TMIGD1: variants seen among roughly 807,000 people sequenced by gnomAD.
The protein encoded by TMIGD1 is transmembrane and immunoglobulin domain-containing protein 1.
Under a neutral mutation model 27.5 loss-of-function variants are expected in TMIGD1, and 29 were observed. The ratio of observed to expected loss-of-function variants is 1.05; its 90% confidence interval spans 0.78 to 1.44. The LOEUF (loss-of-function observed/expected upper bound fraction) is 1.44. Among genes scored for constraint, TMIGD1 ranks in the 40% most tolerant of loss-of-function variants. The pLI is 0.00. For synonymous variants in TMIGD1, 109 were observed against 110.3 expected, an observed-to-expected ratio of 0.99 and a Z score of 0.07; for missense variants, 334 against 310.6, an observed-to-expected ratio of 1.08 and a Z score of -0.57.
chr17:30,332,055 T>C lies in TMIGD1; in HGVS notation c.79A>G (p.Thr27Ala). 1 of 1,607,854 alleles carries C rather than the reference T, an allele frequency of 6.2e-7. No homozygotes were observed. The highest frequency in any genetic ancestry group is 1.3e-5 in the African/African-American group (1 of 74,798). The change falls in exon 2 of 7, where the codon ACA becomes GCA. Residue 27 changes from threonine (T) to alanine (A), a missense_variant. Physicochemically the swap from Thr to Ala is moderately conservative, Grantham distance 58. Transcript: ENST00000328886. Reference sequence around the variant, plus strand: ...GCCAAAAAGAACTTTAACTTACTTGTCATCTCACGTGGCAGAAATAAAATT... The same window carrying C: ...GCCAAAAAGAACTTTAACTTACTTGCCATCTCACGTGGCAGAAATAAAATT... ...LVILFLPREM[T>A]SSVLTVNGKT...
At chr17:30,330,168 A>G (rs1909929340) in intron 2 of TMIGD1, among the ~76,000 whole-genome samples, 2 of 150,834 alleles carry the variant, frequency 1.3e-5, no homozygotes, top group African/African-American at 4.9e-5. Context: ...GTGTTGTTTA[A>G]AGGCACCCCA....
chr17:30,332,003 C>T (rs758000572), intron 2 of TMIGD1, 49 bp downstream of exon 2: 41 of 1,349,320 alleles, frequency 3.0e-5, no homozygotes, highest in South Asian at 7.3e-5. Flanking sequence ...TTTTCTTAAT[C>T]GGAAATTTTT....
chr17:30,324,144 T>C (rs889608729), intron 4 of TMIGD1, among the ~76,000 whole-genome samples: 3 of 152,214 alleles, frequency 2.0e-5, no homozygotes, highest in Admixed American at 6.5e-5. Context: ...GGGCTGCTCC[T>C]GGTGTGCTAG....
At chr17:30,316,990 G>A in intron 6 of TMIGD1, 1 of 650,754 alleles carries the variant, frequency 1.5e-6, no homozygotes. Flanking sequence ...AGCAGGCTTA[G>A]GACTAAAGGT....
At chr17:30,333,363 C>A (rs996959498) in intron 1 of TMIGD1, among the ~76,000 whole-genome samples, 19 of 151,802 alleles carry the variant, frequency 1.3e-4, no homozygotes, top group African/African-American at 4.6e-4. Context: ...ATTGCTTGAA[C>A]CTGGGAGGTG....
Position 30,317,264 on chromosome 17 carries a change from G to A in TMIGD1, c.745-31C>T, listed in dbSNP as rs370205000. 7.0e-5 allele frequency: 113 copies of A among 1,613,332 alleles called. No individual in the cohort carries two copies. In the African/African-American group the frequency reaches 1.4e-3, roughly 20 times the overall value. On this transcript the variant is annotated intron_variant, in intron 5 of 6. Coordinates refer to ENST00000328886, the MANE Select transcript of TMIGD1 (RefSeq NM_206832.3). ...AGCAAACATGGCAGTAAATTAGCCTGCTTTTTAAGGCCCATGGAGAAATAT... is the reference window on the plus strand; with the variant it reads ...AGCAAACATGGCAGTAAATTAGCCTACTTTTTAAGGCCCATGGAGAAATAT...
chr17:30,329,177 C>T, intron 3 of TMIGD1, 74 bp downstream of exon 3: 1 of 1,552,462 alleles, frequency 6.4e-7, no homozygotes, highest in Non-Finnish European at 8.7e-7. Context: ...AATACCAAGA[C>T]CTAGATTTCA....
intron 2 of TMIGD1, 46 bp from the exon 3 acceptor site, chr17:30,329,575 C>T: frequency 2.0e-6 from 3 of 1,532,482 alleles, no homozygotes; most frequent in Non-Finnish European, 2.7e-6. Context: ...AGTAAACAAC[C>T]TTAATGCTCA....
chr17:30,317,086 C>T (rs1230356661), intron 6 of TMIGD1, 107 bp downstream of exon 6: 12 of 1,302,144 alleles, frequency 9.2e-6, no homozygotes, highest in Non-Finnish European at 1.3e-5. Context: ...CTTTGAACCC[C>T]TTCCCCTTCC....
Position 30,329,455 on chromosome 17 carries a change from T to C in TMIGD1, c.157A>G (p.Ile53Val). 1 of 1,614,170 alleles carries C rather than the reference T, an allele frequency of 6.2e-7. No homozygotes were observed. The highest frequency in any genetic ancestry group is 8.5e-7 in the Non-Finnish European group (1 of 1,180,018). Reference sequence around the variant, plus strand: ...CTGGTGTGGTTTTGAACAGCACATATCAGAGATGCTTGGGAGCCAGGTGTA... The same window carrying C: ...CTGGTGTGGTTTTGAACAGCACATACCAGAGATGCTTGGGAGCCAGGTGTA... ...DTTPGSQASL[I>V]CAVQNHTREE... The change falls in exon 3 of 7, where the codon ATA becomes GTA. Residue 53 changes from isoleucine to valine, a missense_variant. Ile to Val is a conservative substitution (Grantham distance 29, BLOSUM62 3). Coordinates refer to ENST00000328886, the MANE Select transcript of TMIGD1 (RefSeq NM_206832.3).
At chr17:30,324,720 A>C (rs766345875) in intron 4 of TMIGD1, 96 bp downstream of exon 4, 2 of 1,418,204 alleles carry the variant, frequency 1.4e-6, no homozygotes, top group Non-Finnish European at 1.9e-6. Context: ...GGCCCTAATC[A>C]TAACCGTTAT....
chr17:30,325,630 T>C (rs991331634), intron 3 of TMIGD1, among the ~76,000 whole-genome samples: 3 of 152,202 alleles, frequency 2.0e-5, no homozygotes, highest in Non-Finnish European at 4.4e-5. Flanking sequence ...ATAATCCCTG[T>C]AAAGAATTTG....
At chr17:30,328,469 A>G (rs529904912) in intron 3 of TMIGD1, among the ~76,000 whole-genome samples, 1 of 152,308 alleles carries the variant, frequency 6.6e-6, no homozygotes, top group African/African-American at 2.4e-5. Context: ...CAAATAGGAG[A>G]AATACTTACA....
chr17:30,327,621 G>A (rs532220211), intron 3 of TMIGD1, among the ~76,000 whole-genome samples: 3 of 151,616 alleles, frequency 2.0e-5, no homozygotes, highest in Non-Finnish European at 2.9e-5. Context: ...ATGCAGTGGC[G>A]CAATCACAGC....
At position 30,324,740 on chromosome 17, in the gene TMIGD1, T is replaced by C. The variant is rs564494574; in HGVS notation, c.640+76A>G. ...TAATCATAACCGTTATTATCATTTA[T>C]TGTCACCAGAAATATTCACTGAGCA... On this transcript the variant is annotated intron_variant, in intron 4 of 6. Coordinates refer to ENST00000328886, the MANE Select transcript of TMIGD1 (RefSeq NM_206832.3). 35 of 1,500,708 alleles carry C rather than the reference T, an allele frequency of 2.3e-5. No individual in the cohort carries two copies. In the South Asian group the frequency reaches 3.6e-4, roughly 15 times the overall value. 93.0% of individuals were successfully genotyped at this position (1,500,708 alleles called of 1,614,324 possible). A position where few individuals can be genotyped will look rare whatever the true frequency, so the allele number is the denominator to read the frequency against.
chr17:30,332,174 T>C lies in TMIGD1; in HGVS notation c.-25-16A>G. ...CTCAGATCTACTAAGGGAAAAATAG[T>C]GCAGTTGGTTTTGTACTTTGGTCTG... is the stretch of plus-strand genomic sequence containing the variant. On this transcript the variant is annotated splice_polypyrimidine_tract_variant and intron_variant, in intron 1 of 6. Transcript: ENST00000328886. The C allele has an allele frequency of 6.5e-7, 1 of 1,543,760 alleles. No homozygotes were observed.
In TMIGD1 at chr17:30,327,274, C is replaced by T. The variant is rs535219472; in HGVS notation, c.361+1977G>A. On this transcript the variant is annotated intron_variant, in intron 3 of 6. Coordinates refer to ENST00000328886, the MANE Select transcript of TMIGD1 (RefSeq NM_206832.3). Reference sequence around the variant, plus strand: ...TCTACAAAAAATACAAAAATCAGCTCGGCCTGGTGGTGCACGCCTGTAGTC... The same window carrying T: ...TCTACAAAAAATACAAAAATCAGCTTGGCCTGGTGGTGCACGCCTGTAGTC... 5.0e-4 allele frequency among the ~76,000 whole-genome samples: 76 copies of T among 152,246 alleles called. 1 individual carries two copies. Among genetic ancestry groups the T allele is most frequent in the African/African-American group, 1.8e-3 (73 of 41,552 alleles).
intron 4 of TMIGD1, among the ~76,000 whole-genome samples, chr17:30,319,259 A>ATATATATATATATAT (rs1389850047): frequency 1.9e-5 from 1 of 52,288 alleles, no homozygotes; most frequent in African/African-American, 1.9e-4. Flanking sequence ...GAAAAAAAAA[A>ATATATATATATATAT]AAATATATAT....
At chr17:30,333,457 A>G (rs983139378) in intron 1 of TMIGD1, among the ~76,000 whole-genome samples, 3 of 151,842 alleles carry the variant, frequency 2.0e-5, no homozygotes, top group African/African-American at 7.3e-5. Context: ...TAAAAATAAA[A>G]AATAAAAAAA....
Sources: gnomAD v4.1 joint callset for allele counts (sites outside exome capture counted in the v4.1 genomes callset) on GRCh38, gnomAD v4.1.1 for gene constraint, MANE v1.5 for transcripts, NCBI Gene and HGNC (gene_info 2026-07-23, HGNC 2026-07-21) for gene names.